Variants in FRAS1 observed in about 807,000 individuals in gnomAD.
FRAS1 encodes the protein extracellular matrix organizing protein FRAS1.
In FRAS1, 290 loss-of-function variants were observed where a neutral mutation model predicts 435.2. The observed-to-expected ratio is 0.67, with a 90% confidence interval of 0.61 to 0.73. FRAS1 has a LOEUF of 0.73. FRAS1 is among the 30% of genes least tolerant of loss of function. The pLI is 0.00. For missense variants in FRAS1, 4,860 were observed against 5,001.5 expected (o/e 0.97, Z 0.85); for synonymous variants, 1,800 against 1,851.0 (o/e 0.97, Z 0.71).
At chr4:78,464,820 C>T (rs1232516113) in intron 49 of FRAS1, among the ~76,000 whole-genome samples, 1 of 152,206 alleles carries the variant, frequency 6.6e-6, no homozygotes, top group Non-Finnish European at 1.5e-5. Context: ...CATCCTCTCC[C>T]TTGAGTACAT....
chr4:78,154,391 G>A (rs539422893), intron 2 of FRAS1, among the ~76,000 whole-genome samples: 1 of 152,186 alleles, frequency 6.6e-6, no homozygotes, highest in South Asian at 2.1e-4. Flanking sequence ...GATAACCTTG[G>A]TCTATTTGTT....
intron 2 of FRAS1, among the ~76,000 whole-genome samples, chr4:78,192,010 A>C (rs1352036035): frequency 1.3e-5 from 2 of 152,118 alleles, no homozygotes; most frequent in Non-Finnish European, 2.9e-5. Context: ...ATACGTGTGC[A>C]TGTGTCTTTA....
At chr4:78,461,231 C>G (rs563575166) in intron 47 of FRAS1, among the ~76,000 whole-genome samples, 1 of 152,082 alleles carries the variant, frequency 6.6e-6, no homozygotes, top group African/African-American at 2.4e-5. Flanking sequence ...TCCTACTTGT[C>G]TAGATTTTTC....
intron 2 of FRAS1, among the ~76,000 whole-genome samples, chr4:78,119,858 A>G (rs1284770906): frequency 2.0e-5 from 3 of 152,196 alleles, no homozygotes; most frequent in Non-Finnish European, 4.4e-5. Flanking sequence ...ATTACTAAAC[A>G]AGCAAAACCT....
intron 2 of FRAS1, among the ~76,000 whole-genome samples, chr4:78,084,590 G>A (rs1472764120): frequency 3.3e-5 from 5 of 152,114 alleles, no homozygotes; most frequent in Non-Finnish European, 5.9e-5. Flanking sequence ...TTTGGATAGT[G>A]AGAACCTCTT....
In FRAS1 at chr4:78,363,494, G is replaced by C. The variant is rs1168346422; in HGVS notation, c.2423-19G>C. 3.8e-6 allele frequency: 6 copies of C among 1,597,442 alleles called. No homozygotes were observed. In the African/African-American group the frequency reaches 5.4e-5, roughly 14 times the overall value. On this transcript the variant is annotated intron_variant, in intron 20 of 73. Coordinates refer to ENST00000512123, the MANE Select transcript of FRAS1 (RefSeq NM_025074.7). The stretch of plus-strand genomic sequence containing the variant: ...TCATGAGCACCCGTGCCTTCTCTGT[G>C]CTCCCCTTCCCCCTCCAGACTGCCA...
At position 78,494,526 on chromosome 4, in the gene FRAS1, T is replaced by A. The variant is rs4975129; in HGVS notation, c.8959-2279T>A. Among the ~76,000 whole-genome samples, 51 of 152,044 alleles carry A rather than the reference T, an allele frequency of 3.4e-4. No individual in the cohort carries two copies. The East Asian group carries it at 7.4e-3, about 22-fold the overall frequency. On this transcript the variant is annotated intron_variant, in intron 59 of 73. Coordinates refer to ENST00000512123, the MANE Select transcript of FRAS1 (RefSeq NM_025074.7). The stretch of plus-strand genomic sequence containing the variant: ...AGGTGTCAGACTCTTATTAACTACC[T>A]TATCTCATGGGATTTAAGAGAGAAT...
rs560066837 is a variant in FRAS1 at position 78,310,700 on chromosome 4, T to C, written c.1678+2491T>C. Among the ~76,000 whole-genome samples, 27 of 152,360 alleles carry C rather than the reference T, an allele frequency of 1.8e-4. No individual in the cohort carries two copies. The South Asian group carries it at 5.4e-3, about 30-fold the overall frequency. The stretch of plus-strand genomic sequence containing the variant: ...TTCTCCAAGTTTGTTTCAAAATGAC[T>C]TCAGAAATGTTCACAGAAATATGTT... On this transcript the variant is annotated intron_variant, in intron 15 of 73. Transcript: ENST00000512123.
At chr4:78,216,762 G>A (rs896983796) in intron 2 of FRAS1, among the ~76,000 whole-genome samples, 4 of 152,192 alleles carry the variant, frequency 2.6e-5, no homozygotes, top group Non-Finnish European at 5.9e-5. Context: ...GCCTACATTG[G>A]ATAGAGTAGT....
chr4:78,425,396 T>C (rs948869422), intron 35 of FRAS1, among the ~76,000 whole-genome samples: 2 of 152,178 alleles, frequency 1.3e-5, no homozygotes, highest in African/African-American at 4.8e-5. Context: ...TGGGCCACCA[T>C]AGGATAAGCT....
intron 50 of FRAS1, among the ~76,000 whole-genome samples, chr4:78,468,529 CCAGCT>C (rs1219804983): frequency 9.6e-6 from 1 of 104,282 alleles, no homozygotes; most frequent in Non-Finnish European, 2.4e-5. Context: ...CATTTTAGAA[CCAGCT>C]TGTGAAACCA....
intron 7 of FRAS1, 108 bp downstream of exon 7, chr4:78,265,216 A>T: frequency 1.6e-6 from 1 of 638,808 alleles, no homozygotes; most frequent in South Asian, 2.1e-5. Flanking sequence ...TGACTCTGCC[A>T]GGAATAGTAA....
chr4:78,064,491 G>A (rs1385620038), intron 1 of FRAS1, among the ~76,000 whole-genome samples: 6 of 151,820 alleles, frequency 4.0e-5, no homozygotes, highest in African/African-American at 1.4e-4. Flanking sequence ...TAGGAGAAAG[G>A]CACAAGGGTG....
intron 66 of FRAS1, 50 bp from the exon 67 acceptor site, chr4:78,519,281 T>G: frequency 6.9e-7 from 1 of 1,445,542 alleles, no homozygotes; most frequent in Non-Finnish European, 9.1e-7. Context: ...TAGTATGTCT[T>G]TTCATCCCAG....
At chr4:78,291,891 G>A (rs528868980) in intron 14 of FRAS1, among the ~76,000 whole-genome samples, 14 of 152,200 alleles carry the variant, frequency 9.2e-5, no homozygotes, top group Non-Finnish European at 2.1e-4. Context: ...GATTATAAGG[G>A]ATAGGATTAT....
chr4:78,466,540 G>A (rs1039097899), intron 50 of FRAS1, 105 bp downstream of exon 50: 10 of 822,728 alleles, frequency 1.2e-5, no homozygotes, highest in Non-Finnish European at 1.7e-5. Flanking sequence ...CGTTCTATCA[G>A]TAGCTAGTAG....
chr4:78,196,093 C>T (rs575299142), intron 2 of FRAS1, among the ~76,000 whole-genome samples: 18 of 152,008 alleles, frequency 1.2e-4, no homozygotes, highest in African/African-American at 3.4e-4. Flanking sequence ...TTGCAAGCTC[C>T]GCCTCCCGGG....
rs933684272 is a variant in FRAS1 at position 78,521,238 on chromosome 4, T to G, written c.10541-285T>G. Among the ~76,000 whole-genome samples, 7 of 152,156 alleles carry G rather than the reference T, an allele frequency of 4.6e-5. No individual in the cohort carries two copies. In the East Asian group the frequency reaches 5.8e-4, roughly 13 times the overall value. On this transcript the variant is annotated intron_variant, in intron 67 of 73. Coordinates refer to ENST00000512123, the MANE Select transcript of FRAS1 (RefSeq NM_025074.7). ...GTTTGATAGTAAGAAGTTTTAAGAT[T>G]CATTTTTTTGCTGAACCCTGCATCT...
At chr4:78,504,953 C>T (rs1006060934) in intron 61 of FRAS1, among the ~76,000 whole-genome samples, 1 of 152,116 alleles carries the variant, frequency 6.6e-6, no homozygotes. Context: ...TTGCTTGTCT[C>T]TAAAGGATTT....
Sources: gnomAD v4.1 joint callset for allele counts (sites outside exome capture counted in the v4.1 genomes callset) on GRCh38, gnomAD v4.1.1 for gene constraint, MANE v1.5 for transcripts, NCBI Gene and HGNC (gene_info 2026-07-23, HGNC 2026-07-21) for gene names.